Variants in DYRK4 observed in about 807,000 individuals in gnomAD.
DYRK4 encodes the protein dual specificity tyrosine phosphorylation regulated kinase 4.
DYRK4 carries 64 observed loss-of-function variants against 68.3 expected under a neutral mutation model. That is an observed-to-expected ratio of 0.94 (90% CI 0.77 to 1.15). The LOEUF is 1.15. Among genes scored for constraint, DYRK4 ranks in the 50% most tolerant of loss-of-function variants. DYRK4 has a pLI of 0.00. For synonymous variants in DYRK4, 274 were observed against 289.9 expected, an observed-to-expected ratio of 0.95 and a Z score of 0.56; for missense variants, 740 against 764.7, an observed-to-expected ratio of 0.97 and a Z score of 0.38.
intron 2 of DYRK4, chr12:4,573,339 C>G (rs1419851320): frequency 1.6e-6 from 2 of 1,288,066 alleles, no homozygotes; most frequent in Non-Finnish European, 2.0e-6. Flanking sequence ...GGGCCCCACT[C>G]TTTCTGAGAT....
intron 4 of DYRK4, 160 bp from the exon 5 acceptor site, chr12:4,591,000 A>G: frequency 2.5e-6 from 2 of 790,836 alleles, no homozygotes; most frequent in East Asian, 2.7e-5. Flanking sequence ...CCTTTGGGAG[A>G]GAGGTAGGGA....
chr12:4,574,229 A>G (rs1450705979), intron 2 of DYRK4, among the ~76,000 whole-genome samples: 1 of 150,756 alleles, frequency 6.6e-6, no homozygotes, highest in Admixed American at 6.6e-5. Flanking sequence ...CATCTTAAAA[A>G]AAAAAAAAAA....
intron 13 of DYRK4, 87 bp from the exon 14 acceptor site, chr12:4,612,456 T>C: frequency 7.2e-7 from 1 of 1,391,138 alleles, no homozygotes; most frequent in Non-Finnish European, 9.6e-7. Flanking sequence ...ATAGCTTAAA[T>C]AAAAATCTTT....
At chr12:4,570,494 C>T (rs934001100) in intron 2 of DYRK4, among the ~76,000 whole-genome samples, 1 of 152,122 alleles carries the variant, frequency 6.6e-6, no homozygotes, top group Non-Finnish European at 1.5e-5. Flanking sequence ...AACTCAGTAA[C>T]TGGCTTCTGC....
intron 10 of DYRK4, chr12:4,602,250 C>G (rs191600851): frequency 8.9e-5 from 95 of 1,068,806 alleles, no homozygotes; most frequent in Middle Eastern, 2.1e-4. Flanking sequence ...TTTCTAAGAC[C>G]TGCTCTCTTT....
At chr12:4,600,752 C>A (rs777484087) in intron 10 of DYRK4, among the ~76,000 whole-genome samples, 1 of 151,906 alleles carries the variant, frequency 6.6e-6, no homozygotes, top group Non-Finnish European at 1.5e-5. Flanking sequence ...CCCAACACCA[C>A]GTTTCCCATA....
chr12:4,573,503 G>A (rs1944753447), intron 2 of DYRK4: 3 of 771,404 alleles, frequency 3.9e-6, no homozygotes, highest in South Asian at 1.6e-5. Flanking sequence ...ATGTCTCTGA[G>A]TACAAGAATT....
intron 9 of DYRK4, 21 bp from the exon 10 acceptor site, chr12:4,599,686 T>C (rs1945059671): frequency 6.3e-7 from 1 of 1,595,080 alleles, no homozygotes; most frequent in Non-Finnish European, 8.6e-7. Context: ...TAGCTTGACA[T>C]ATGTCTTTTC....
intron 2 of DYRK4, among the ~76,000 whole-genome samples, chr12:4,587,724 G>A (rs1450691747): frequency 6.6e-6 from 1 of 152,196 alleles, no homozygotes; most frequent in Non-Finnish European, 1.5e-5. Context: ...TATTGCAGGA[G>A]GTCAAGATTG....
chr12:4,613,561 G>A lies in DYRK4; in HGVS notation c.1713G>A (p.Thr571=), dbSNP rs143171709. ...CAGAGAAAACAAAAGATAGCCCCAC[G>A]AAGCATGTTCAGCATTCAGGTGATC... ...ETTEKTKDSP[T]KHVQHSGDQQ... The change falls in exon 15 of 15, where the codon ACG becomes ACA. Residue 571 remains threonine (T), a synonymous_variant. Coordinates refer to ENST00000543431, the MANE Select transcript of DYRK4 (RefSeq NM_001394779.1). The surrounding 1 kb of genome is among the most constrained non-coding windows in gnomAD (Gnocchi z 4.0). 4.1e-5 allele frequency: 66 copies of A among 1,614,036 alleles called. No individual in the cohort carries two copies. The Admixed American group carries it at 4.3e-4, about 11-fold the overall frequency.
intron 12 of DYRK4, among the ~76,000 whole-genome samples, chr12:4,607,825 ATTC>A (rs1293508196): frequency 6.6e-6 from 1 of 152,192 alleles, no homozygotes; most frequent in African/African-American, 2.4e-5. Flanking sequence ...CCCTGCTAAA[ATTC>A]TTCTTATCCT....
intron 2 of DYRK4, among the ~76,000 whole-genome samples, chr12:4,586,438 A>G (rs1432175311): frequency 6.6e-6 from 1 of 152,148 alleles, no homozygotes; most frequent in Non-Finnish European, 1.5e-5. Context: ...ACTTTCTTCA[A>G]AAAAAATCCT....
intron 2 of DYRK4, among the ~76,000 whole-genome samples, chr12:4,588,129 A>T (rs1172177735): frequency 6.6e-6 from 1 of 152,206 alleles, no homozygotes; most frequent in Non-Finnish European, 1.5e-5. Context: ...GCACGATCAT[A>T]GCTCACTGTA....
At chr12:4,605,941 C>T (rs1945144908) in intron 11 of DYRK4, among the ~76,000 whole-genome samples, 1 of 151,880 alleles carries the variant, frequency 6.6e-6, no homozygotes, top group African/African-American at 2.4e-5. Flanking sequence ...GGTGATCTGT[C>T]ATCTAAAATT....
In DYRK4 at chr12:4,610,195, G is replaced by C; in HGVS notation, c.1401G>C (p.Gly467=). ...CTAAAAATATAACCAACAACAGGGGGAAAAAAAGATACCCAGATTCCAAGG... is the reference window on the plus strand; with the variant it reads ...CTAAAAATATAACCAACAACAGGGGCAAAAAAAGATACCCAGATTCCAAGG... ...GFPKNITNNR[G]KKRYPDSKDL... Residue 467 remains glycine (G), a synonymous_variant, in exon 13 of 15, where the codon GGG becomes GGC. Coordinates refer to ENST00000543431, the MANE Select transcript of DYRK4 (RefSeq NM_001394779.1). 1 of 1,601,834 alleles carries C rather than the reference G, an allele frequency of 6.2e-7. No individual in the cohort carries two copies. Among genetic ancestry groups the C allele is most frequent in the South Asian group, 1.1e-5 (1 of 88,462 alleles).
At chr12:4,598,963 A>G in intron 8 of DYRK4, 65 bp from the exon 9 acceptor site, 2 of 1,572,154 alleles carry the variant, frequency 1.3e-6, no homozygotes, top group Non-Finnish European at 1.7e-6. Flanking sequence ...GATTGTTTGC[A>G]GGTTCAAACT....
At chr12:4,576,381 A>G (rs970243197) in intron 2 of DYRK4, among the ~76,000 whole-genome samples, 1 of 152,170 alleles carries the variant, frequency 6.6e-6, no homozygotes, top group Non-Finnish European at 1.5e-5. Flanking sequence ...ACTGCACTGT[A>G]TGGGTGTACC....
At chr12:4,612,916 T>G (rs1945241653) in intron 14 of DYRK4, 198 bp downstream of exon 14, 2 of 557,678 alleles carry the variant, frequency 3.6e-6, no homozygotes, top group Non-Finnish European at 6.2e-6. Context: ...AACCTCAACC[T>G]GGGATAATTC....
At position 4,593,138 on chromosome 12, in the gene DYRK4, T is replaced by C. The variant is rs150048576; in HGVS notation, c.600T>C (p.Phe200=). ...TAPEKFSKTS[F]DDEHGFYLKV... ...CTGAGAAATTTAGCAAGACGAGTTT[T>C]GATGATGAGCATGGCTTCTATCTGA... Residue 200 remains phenylalanine (F), a synonymous_variant, in exon 6 of 15, where the codon TTT becomes TTC. Transcript: ENST00000543431. 1.3e-5 allele frequency: 21 copies of C among 1,613,950 alleles called. No individual in the cohort carries two copies. The African/African-American group carries it at 2.5e-4, about 19-fold the overall frequency.
Sources: gnomAD v4.1 joint callset for allele counts (sites outside exome capture counted in the v4.1 genomes callset) on GRCh38, gnomAD v4.1.1 for gene constraint, Gnocchi (gnomAD v3.1) non-coding constraint, MANE v1.5 for transcripts, NCBI Gene and HGNC (gene_info 2026-07-23, HGNC 2026-07-21) for gene names.